Variants in MAP3K11 observed in about 807,000 individuals in gnomAD.
MAP3K11 encodes SH3 domain-containing proline-rich kinase.
In MAP3K11, 46 loss-of-function variants were observed where a neutral mutation model predicts 84.9. That is an observed-to-expected ratio of 0.54 (90% CI 0.43 to 0.69). MAP3K11 has a LOEUF of 0.69. Ranked by LOEUF, MAP3K11 falls within the 30% of genes least tolerant of loss-of-function variation. MAP3K11 has a pLI of 0.00. For missense variants in MAP3K11, 1,053 were observed against 1,198.3 expected (o/e 0.88, Z 1.79); for synonymous variants, 527 against 514.7 (o/e 1.02, Z -0.32).
intron 8 of MAP3K11, among the ~76,000 whole-genome samples, chr11:65,603,169 G>A (rs1854473135): frequency 6.6e-6 from 1 of 152,228 alleles, no homozygotes; most frequent in Non-Finnish European, 1.5e-5. Flanking sequence ...CAAAATGAGA[G>A]TGAACAGAAG....
intron 5 of MAP3K11, 127 bp from the exon 6 acceptor site, chr11:65,606,931 G>T (rs918635476): frequency 1.6e-6 from 1 of 636,128 alleles, no homozygotes; most frequent in South Asian, 1.9e-5. Flanking sequence ...GTGAGACTGT[G>T]ACCAGCCTCA....
At position 65,606,770 on chromosome 11, in the gene MAP3K11, G is replaced by C; in HGVS notation, c.1524C>G (p.Pro508=). 1 of 1,607,712 alleles carries C rather than the reference G, an allele frequency of 6.2e-7. No individual in the cohort carries two copies. Among genetic ancestry groups the C allele is most frequent in the South Asian group, 1.1e-5 (1 of 89,726 alleles). The change falls in exon 6 of 10, where the codon CCC becomes CCG. Residue 508 remains proline (P), a synonymous_variant. Coordinates refer to ENST00000309100, the MANE Select transcript of MAP3K11 (RefSeq NM_002419.4). ...FKHRITVQAS[P]GLDRRRNVFE... ...AGACGTTTCTCCTCCGGTCAAGGCC[G>C]GGTGAGGCCTGCACGGTGATGCGGT...
chr11:65,608,486 C>T, intron 1 of MAP3K11, 38 bp from the exon 2 acceptor site: 1 of 1,604,894 alleles, frequency 6.2e-7, no homozygotes, highest in Non-Finnish European at 8.5e-7. Context: ...GCTCCAGGAT[C>T]AGGTGGTGGG....
Position 65,598,315 on chromosome 11 carries a change from CGGGGCCTGGGCACCCAT to C in MAP3K11, c.2503_2519del (p.Met835ValfsTer21), listed in dbSNP as rs778644098. On this transcript the variant is annotated frameshift_variant, in exon 10 of 10. Transcript: ENST00000309100. LOFTEE classifies it high-confidence loss of function. ...CTCAAGGCCCCGCTTCCGGCACCCA[CGGGGCCTGGGCACCCAT>C]GTCTTTGGTCTGTGCCCTGCAGTCC... 1.4e-6 allele frequency: 2 copies of C among 1,477,552 alleles called. No homozygotes were observed. The highest frequency in any genetic ancestry group is 1.8e-6 in the Non-Finnish European group (2 of 1,112,846). The allele number at this position is 1,477,552 out of a possible 1,614,324, so 91.5% of individuals were successfully genotyped here.
intron 9 of MAP3K11, 112 bp downstream of exon 9, chr11:65,599,282 C>G: frequency 7.7e-7 from 1 of 1,303,220 alleles, no homozygotes; most frequent in Non-Finnish European, 1.0e-6. Context: ...CAGGGTCCAG[C>G]TGATGACTGT....
chr11:65,607,033 T>A (rs899038787), intron 5 of MAP3K11: 1 of 654,366 alleles, frequency 1.5e-6, no homozygotes, highest in Non-Finnish European at 2.4e-6. Flanking sequence ...CACTAGACCT[T>A]CCCAGAACTT....
At position 65,613,173 on chromosome 11, in the gene MAP3K11, T is replaced by C. The variant is rs748525458; in HGVS notation, c.584A>G (p.Tyr195Cys). 4.4e-6 allele frequency: 7 copies of C among 1,591,272 alleles called. No homozygotes were observed. The South Asian group carries it at 6.9e-5, about 16-fold the overall frequency. ...TCGGCTGAGGGGCCCACCGGCTGCATACTCCATCACCAGGCACAGGTTGGG... is the reference window on the plus strand; with the variant it reads ...TCGGCTGAGGGGCCCACCGGCTGCACACTCCATCACCAGGCACAGGTTGGG... ...EEPNLCLVMEYAAGGPLSRAL... is the reference protein window; with the variant it reads ...EEPNLCLVMECAAGGPLSRAL... The change falls in exon 1 of 10, where the codon TAT (tyrosine) becomes TGT (cysteine). Residue 195 changes from tyrosine to cysteine, a missense_variant. This residue lies in a region of MAP3K11 where 310 missense variants were observed against 464.5 expected (regional missense o/e 0.67). Transcript: ENST00000309100.
At chr11:65,603,274 C>T (rs1287483527) in intron 8 of MAP3K11, among the ~76,000 whole-genome samples, 1 of 152,238 alleles carries the variant, frequency 6.6e-6, no homozygotes, top group Non-Finnish European at 1.5e-5. Flanking sequence ...CTCTAAGCTT[C>T]CTGGCAGCAA....
intron 8 of MAP3K11, among the ~76,000 whole-genome samples, chr11:65,600,798 C>G (rs1384373210): frequency 6.6e-6 from 1 of 152,106 alleles, no homozygotes; most frequent in Non-Finnish European, 1.5e-5. Context: ...TGGCCTTGTC[C>G]CTCTGCCTTT....
chr11:65,608,233 C>T (rs747668512), intron 2 of MAP3K11, 35 bp downstream of exon 2: 9 of 1,605,128 alleles, frequency 5.6e-6, no homozygotes, highest in South Asian at 4.4e-5. Context: ...TCTGCAGCCC[C>T]GTAGCAGCCC....
Position 65,599,510 on chromosome 11 carries a change from C to G in MAP3K11, c.2090G>C (p.Cys697Ser), listed in dbSNP as rs1854427922. The stretch of plus-strand genomic sequence containing the variant: ...GGAGTCGGGCGTCTTGAGCGAGAAG[C>G]AGATGAGCGGGGAAGGGGGCGGCTC... ...PTEPPPSPLI[C>S]FSLKTPDSPP... Residue 697 changes from cysteine (C) to serine (S), a missense_variant, in exon 9 of 10, where the codon TGC becomes TCC. Physicochemically the swap from Cys to Ser is moderately radical, Grantham distance 112 (BLOSUM62 -1). Coordinates refer to ENST00000309100, the MANE Select transcript of MAP3K11 (RefSeq NM_002419.4). The G allele has an allele frequency of 2.0e-6, 3 of 1,495,140 alleles. No homozygotes were observed. Among genetic ancestry groups the G allele is most frequent in the Non-Finnish European group, 1.8e-6 (2 of 1,128,340 alleles). The allele number at this position is 1,495,140 out of a possible 1,614,324, so 92.6% of individuals were successfully genotyped here.
In MAP3K11 at chr11:65,614,069, G is replaced by A. The variant is rs1284530036; in HGVS notation, c.-313C>T. On this transcript the variant is annotated 5_prime_UTR_variant, in exon 1 of 10. Coordinates refer to ENST00000309100, the MANE Select transcript of MAP3K11 (RefSeq NM_002419.4). ...GTTCTGGAGCAGTCCTGGGAGCCTG[G>A]CTCCGGCCCCCGCCAAGTGTAAGGT... 1 of 321,742 alleles carries A rather than the reference G, an allele frequency of 3.1e-6. No homozygotes were observed. The allele number at this position is 321,742 out of a possible 1,614,324, so 19.9% of individuals were successfully genotyped here. A position where few individuals can be genotyped will look rare whatever the true frequency, so the allele number is the denominator to read the frequency against.
Position 65,605,997 on chromosome 11 carries a change from C to A in MAP3K11, c.1688G>T (p.Cys563Phe). The change falls in exon 7 of 10, where the codon TGC becomes TTC. Residue 563 changes from cysteine to phenylalanine, a missense_variant. Cys to Phe is a radical substitution (Grantham distance 205, BLOSUM62 -2). Around this residue, in one of 3 missense-constraint regions of MAP3K11, gnomAD observed 583 missense variants for 566.6 expected, o/e 1.03. Coordinates refer to ENST00000309100, the MANE Select transcript of MAP3K11 (RefSeq NM_002419.4). ...GGGGGAACTGGGACCCCAAGCCCAG[C>A]ATGCTCGCCGCTCTCCATTGCTTGA... The part of the protein sequence containing the change: ...EDSSNGERRA[C>F]WAWGPSSPKP... 4 of 1,601,878 alleles carry A rather than the reference C, an allele frequency of 2.5e-6. No homozygotes were observed. The Admixed American group carries it at 5.2e-5, about 21-fold the overall frequency.
chr11:65,600,315 T>C (rs1450279967), intron 8 of MAP3K11, among the ~76,000 whole-genome samples: 1 of 152,230 alleles, frequency 6.6e-6, no homozygotes, highest in Non-Finnish European at 1.5e-5. Context: ...AAAATGAGGT[T>C]CAGAGGGGTC....
chr11:65,602,682 C>T, intron 8 of MAP3K11, among the ~76,000 whole-genome samples: 1 of 151,550 alleles, frequency 6.6e-6, no homozygotes, highest in East Asian at 1.9e-4. Context: ...GTGGCACATG[C>T]CTGTAATCCC....
intron 1 of MAP3K11, chr11:65,609,482 G>A (rs1471486768): frequency 6.6e-6 from 1 of 152,200 alleles, no homozygotes; most frequent in Non-Finnish European, 1.5e-5. Flanking sequence ...CCCAAATGGG[G>A]CCACCGTACT....
intron 5 of MAP3K11, 60 bp from the exon 6 acceptor site, chr11:65,606,864 C>A: frequency 8.8e-7 from 1 of 1,140,614 alleles, no homozygotes; most frequent in Non-Finnish European, 1.3e-6. Context: ...GCCAGGACCC[C>A]AACCTGCAGG....
chr11:65,606,937 C>T (rs1854515449), intron 5 of MAP3K11, 133 bp from the exon 6 acceptor site: 1 of 622,048 alleles, frequency 1.6e-6, no homozygotes, highest in Non-Finnish European at 2.8e-6. Flanking sequence ...CTGTGACCAG[C>T]CTCACTGCTT....
intron 8 of MAP3K11, among the ~76,000 whole-genome samples, chr11:65,605,143 G>A (rs958277272): frequency 5.9e-5 from 9 of 152,150 alleles, no homozygotes; most frequent in Non-Finnish European, 8.8e-5. Context: ...CTGCAAAATG[G>A]GGTAATAGTA....
Sources: gnomAD v4.1 joint callset for allele counts (sites outside exome capture counted in the v4.1 genomes callset) on GRCh38, gnomAD v4.1.1 for gene constraint, gnomAD v4.1.1 regional missense constraint, MANE v1.5 for transcripts, NCBI Gene and HGNC (gene_info 2026-07-23, HGNC 2026-07-21) for gene names.